The following PPP6R3 variants were observed in gnomAD, a reference collection of about 807,000 sequenced individuals.
PPP6R3 encodes the protein protein phosphatase 6 regulatory subunit 3.
PPP6R3 carries 38 observed loss-of-function variants against 110.7 expected under a neutral mutation model. That is an observed-to-expected ratio of 0.34 (90% confidence interval 0.26 to 0.45). PPP6R3 has a LOEUF of 0.45. PPP6R3 is among the 20% of genes least tolerant of loss of function. The pLI is 1.00. For missense variants in PPP6R3, 870 were observed against 1,062.4 expected, an observed-to-expected ratio of 0.82 and a Z score of 2.52; for synonymous variants, 369 against 373.5, an observed-to-expected ratio of 0.99 and a Z score of 0.14.
intron 22 of PPP6R3, among the ~76,000 whole-genome samples, chr11:68,607,712 CATCT>C (rs370324436): frequency 1.2e-3 from 176 of 152,014 alleles, no homozygotes; most frequent in Non-Finnish European, 2.1e-3. Flanking sequence ...ATCTGTCTGT[CATCT>C]ATCTATCTAT....
chr11:68,611,363 C>T (rs1943312926), intron 23 of PPP6R3, among the ~76,000 whole-genome samples: 1 of 152,160 alleles, frequency 6.6e-6, no homozygotes, highest in East Asian at 1.9e-4. Context: ...TAAGGATGCA[C>T]AAGGCTCTGG....
intron 1 of PPP6R3, among the ~76,000 whole-genome samples, chr11:68,476,401 G>T (rs549005215): frequency 2.1e-5 from 3 of 143,382 alleles, no homozygotes; most frequent in Non-Finnish European, 3.0e-5. Flanking sequence ...GCAGTAAGCC[G>T]AGATGGCAGC....
At chr11:68,460,981 G>A (rs1293950253) in intron 1 of PPP6R3, among the ~76,000 whole-genome samples, 154 bp downstream of exon 1, 3 of 151,816 alleles carry the variant, frequency 2.0e-5, no homozygotes, top group African/African-American at 7.2e-5. Context: ...TCGCTCCGCG[G>A]GCCCGGGAGG....
intron 22 of PPP6R3, among the ~76,000 whole-genome samples, chr11:68,607,161 T>TA (rs1234221807): frequency 6.6e-6 from 1 of 152,206 alleles, no homozygotes; most frequent in Non-Finnish European, 1.5e-5. Flanking sequence ...AGTAACTTAA[T>TA]ACTCTAAAAT....
At chr11:68,538,378 C>T (rs911575238) in intron 3 of PPP6R3, among the ~76,000 whole-genome samples, 8 of 152,088 alleles carry the variant, frequency 5.3e-5, no homozygotes, top group Non-Finnish European at 7.4e-5. Context: ...ACAAAGAGAA[C>T]GACAGTACAG....
rs561444717 is a variant in PPP6R3 at position 68,615,302 on chromosome 11, C to T, written c.*2185C>T. On this transcript the variant is annotated 3_prime_UTR_variant, in exon 24 of 24. Coordinates refer to ENST00000393800, the MANE Select transcript of PPP6R3 (RefSeq NM_001164161.2). ...AATACAATACCTGTATTCAAAATAA[C>T]AAAAATAAAGCCTGATTCTTTGTTT... 5.7e-6 allele frequency: 2 copies of T among 352,950 alleles called. No individual in the cohort carries two copies. Among genetic ancestry groups the T allele is most frequent in the South Asian group, 4.3e-5 (2 of 46,534 alleles). 21.9% of individuals were successfully genotyped at this position (352,950 alleles called of 1,614,324 possible). A position where few individuals can be genotyped will look rare whatever the true frequency, so the allele number is the denominator to read the frequency against.
chr11:68,609,849 G>GCCTAGGTGCTGGTC, intron 22 of PPP6R3, 55 bp from the exon 23 acceptor site: 1 of 1,608,412 alleles, frequency 6.2e-7, no homozygotes, highest in East Asian at 2.2e-5. Context: ...ATCCTCTGGT[G>GCCTAGGTGCTGGTC]CCTAGGTGCT....
chr11:68,614,569 A>G lies in PPP6R3; in HGVS notation c.*1452A>G, dbSNP rs1566262080. The stretch of plus-strand genomic sequence containing the variant: ...AGCGTGCCTAAACATTACATTGCAT[A>G]TGGAAATAAAAGAATCAAACGTCTA... On this transcript the variant is annotated 3_prime_UTR_variant, in exon 24 of 24. Transcript: ENST00000393800. 3.3e-6 allele frequency: 5 copies of G among 1,504,712 alleles called. No individual in the cohort carries two copies. Among genetic ancestry groups the G allele is most frequent in the Non-Finnish European group, 3.5e-6 (4 of 1,136,652 alleles). The allele number at this position is 1,504,712 out of a possible 1,614,324, so 93.2% of individuals were successfully genotyped here. A position where few individuals can be genotyped will look rare whatever the true frequency, so the allele number is the denominator to read the frequency against.
At chr11:68,598,366 CGCTGCT>C (rs1243141656) in intron 19 of PPP6R3, among the ~76,000 whole-genome samples, 2 of 152,162 alleles carry the variant, frequency 1.3e-5, no homozygotes, top group African/African-American at 4.8e-5. Flanking sequence ...GACTGCGTGC[CGCTGCT>C]GCTGTGACTG....
chr11:68,570,925 C>CA, intron 11 of PPP6R3, 115 bp from the exon 12 acceptor site: 1 of 1,315,424 alleles, frequency 7.6e-7, no homozygotes, highest in Non-Finnish European at 1.0e-6. Context: ...GGCTTAGTAA[C>CA]ATTTAGCTTG....
intron 5 of PPP6R3, among the ~76,000 whole-genome samples, chr11:68,550,333 C>T (rs1226528023): frequency 2.0e-5 from 3 of 152,078 alleles, no homozygotes; most frequent in African/African-American, 7.2e-5. Context: ...TTGATTTCTG[C>T]CCCCGCTGCC....
chr11:68,477,235 T>G (rs184616235), intron 1 of PPP6R3, among the ~76,000 whole-genome samples: 2 of 151,876 alleles, frequency 1.3e-5, no homozygotes, highest in Middle Eastern at 3.4e-3. Context: ...GTTCTGTTAG[T>G]TGGTGGGGGA....
intron 22 of PPP6R3, among the ~76,000 whole-genome samples, chr11:68,608,786 G>A (rs978786015): frequency 6.6e-6 from 1 of 152,156 alleles, no homozygotes; most frequent in Non-Finnish European, 1.5e-5. Context: ...CCCAGTTAGC[G>A]ACTCAGAATA....
At chr11:68,612,767 C>T in intron 23 of PPP6R3, 1 of 397,948 alleles carries the variant, frequency 2.5e-6, no homozygotes. Context: ...TTATACCCCA[C>T]TGACCTAGTC....
At chr11:68,568,771 A>C (rs1437195207) in intron 10 of PPP6R3, among the ~76,000 whole-genome samples, 1 of 151,028 alleles carries the variant, frequency 6.6e-6, no homozygotes, top group Non-Finnish European at 1.5e-5. Flanking sequence ...AAATTCTTAC[A>C]ATTTTTTTTT....
chr11:68,596,767 C>G (rs895873978), intron 19 of PPP6R3, among the ~76,000 whole-genome samples: 1 of 152,206 alleles, frequency 6.6e-6, no homozygotes, highest in African/African-American at 2.4e-5. Context: ...TCAAAAACTT[C>G]TAAAGGTTTG....
At chr11:68,464,883 CTTT>C (rs35642999) in intron 1 of PPP6R3, among the ~76,000 whole-genome samples, 3 of 140,128 alleles carry the variant, frequency 2.1e-5, no homozygotes, top group East Asian at 2.0e-4. Flanking sequence ...CCAGCTTCAA[CTTT>C]TTTTTTTTTT....
At chr11:68,575,509 T>A (rs1308264400) in intron 13 of PPP6R3, among the ~76,000 whole-genome samples, 1 of 152,186 alleles carries the variant, frequency 6.6e-6, no homozygotes. Flanking sequence ...TTCAAGAAAG[T>A]GTGCAGGAGC....
At chr11:68,542,400 T>TTTTTTTTTTTTTTTTC (rs1173863254) in intron 3 of PPP6R3, among the ~76,000 whole-genome samples, 1 of 63,348 alleles carries the variant, frequency 1.6e-5, no homozygotes, top group African/African-American at 6.3e-5. Flanking sequence ...TTTTTTTTTT[T>TTTTTTTTTTTTTTTTC]TTTTTTTTTT....
Sources: gnomAD v4.1 joint callset for allele counts (sites outside exome capture counted in the v4.1 genomes callset) on GRCh38, gnomAD v4.1.1 for gene constraint, MANE v1.5 for transcripts, NCBI Gene and HGNC (gene_info 2026-07-23, HGNC 2026-07-21) for gene names.